PRKCZ: variants seen among roughly 807,000 people sequenced by gnomAD.
The protein encoded by PRKCZ is protein kinase C zeta.
A neutral mutation model predicts 79.5 loss-of-function variants in PRKCZ; 33 were observed. The observed-to-expected ratio is 0.41, with a 90% confidence interval of 0.31 to 0.55. The LOEUF (loss-of-function observed/expected upper bound fraction) is 0.55. Ranked by LOEUF, PRKCZ falls within the 20% of genes least tolerant of loss-of-function variation. The pLI is 0.19. For missense variants in PRKCZ, 578 were observed against 813.5 expected, an observed-to-expected ratio of 0.71 and a Z score of 3.52; for synonymous variants, 342 against 320.9, an observed-to-expected ratio of 1.07 and a Z score of -0.70.
intron 3 of PRKCZ, 45 bp from the exon 4 acceptor site, chr1:2,059,496 G>C (rs903046377): frequency 6.2e-7 from 1 of 1,608,746 alleles, no homozygotes; most frequent in Non-Finnish European, 8.5e-7. Flanking sequence ...CTGTTGAGTG[G>C]CAGCCGCAGG....
intron 4 of PRKCZ, among the ~76,000 whole-genome samples, chr1:2,080,989 C>G (rs1046780244): frequency 1.3e-5 from 2 of 152,172 alleles, no homozygotes; most frequent in Non-Finnish European, 2.9e-5. Context: ...AGGTCCACAC[C>G]CTCCACGCAG....
chr1:2,128,155 C>G lies in PRKCZ; in HGVS notation c.335-7107C>G, dbSNP rs1290294639. Among the ~76,000 whole-genome samples, 19 of 152,240 alleles carry G rather than the reference C, an allele frequency of 1.2e-4. No individual in the cohort carries two copies. Among genetic ancestry groups the G allele is most frequent in the Admixed American group, 1.2e-3 (18 of 15,288 alleles). On this transcript the variant is annotated intron_variant, in intron 4 of 17. Coordinates refer to ENST00000378567, the MANE Select transcript of PRKCZ (RefSeq NM_002744.6). The surrounding 1 kb of genome is among the most constrained non-coding windows in gnomAD (Gnocchi z 6.5). Reference sequence around the variant, plus strand: ...TGGGGACCTCTGGGCCCAAGGGCACCTCACTGTCTCCTTGTCCTCCTGGTC... The same window carrying G: ...TGGGGACCTCTGGGCCCAAGGGCACGTCACTGTCTCCTTGTCCTCCTGGTC...
intron 6 of PRKCZ, 58 bp downstream of exon 6, chr1:2,144,399 C>T: frequency 6.5e-7 from 1 of 1,536,464 alleles, no homozygotes; most frequent in Non-Finnish European, 8.8e-7. Context: ...GCGTGGCAGC[C>T]AGCCCATTGT....
Position 2,174,744 on chromosome 1 carries a change from G to A in PRKCZ, c.1406-10G>A, listed in dbSNP as rs761278474. The A allele has an allele frequency of 6.8e-6, 11 of 1,613,614 alleles. No individual in the cohort carries two copies. In the Admixed American group the frequency reaches 1.0e-4, roughly 15 times the overall value. The stretch of plus-strand genomic sequence containing the variant: ...CACAGGCAAGTCCTCACCAGGCTCC[G>A]CCCTTGCAGTGATCCTGGAGAAGCC... On this transcript the variant is annotated splice_polypyrimidine_tract_variant and intron_variant, in intron 14 of 17. Transcript: ENST00000378567. This position sits in a 1 kb window ranked among gnomAD's most constrained non-coding sequence, Gnocchi z 6.2.
chr1:2,076,068 G>C (rs1384317323), intron 4 of PRKCZ, among the ~76,000 whole-genome samples: 1 of 152,228 alleles, frequency 6.6e-6, no homozygotes, highest in Non-Finnish European at 1.5e-5. Flanking sequence ...CCCAGGAGCT[G>C]GGCAGGGAGC....
intron 4 of PRKCZ, among the ~76,000 whole-genome samples, chr1:2,129,871 C>G (rs979100232): frequency 4.6e-5 from 7 of 152,204 alleles, no homozygotes; most frequent in African/African-American, 1.7e-4. Context: ...TGAAATTACC[C>G]CCAAATAAAA....
intron 4 of PRKCZ, chr1:2,073,692 C>G: frequency 1.0e-6 from 1 of 992,084 alleles, no homozygotes; most frequent in Non-Finnish European, 1.2e-6. Flanking sequence ...CCCGGGGGAG[C>G]CGGGTACCAC....
At chr1:2,169,483 G>A in intron 10 of PRKCZ, 35 bp from the exon 11 acceptor site, 1 of 1,538,810 alleles carries the variant, frequency 6.5e-7, no homozygotes, top group Non-Finnish European at 8.8e-7. Context: ...CGTCTGCCGA[G>A]GTGACTGCAG....
Position 2,123,324 on chromosome 1 carries a change from T to C in PRKCZ, c.335-11938T>C, listed in dbSNP as rs373721719. 3.8e-4 allele frequency among the ~76,000 whole-genome samples: 8 copies of C among 21,108 alleles called. 1 individual carries two copies. The highest frequency in any genetic ancestry group is 1.6e-3 in the East Asian group (1 of 612). 13.8% of individuals were successfully genotyped at this position (21,108 alleles called of 152,430 possible). On this transcript the variant is annotated intron_variant, in intron 4 of 17. Coordinates refer to ENST00000378567, the MANE Select transcript of PRKCZ (RefSeq NM_002744.6). The stretch of plus-strand genomic sequence containing the variant: ...AGGGTCACGGTGGTGGTTAGGGTCA[T>C]GGTGGTGGTTAGGGTCACGGTGGTG...
intron 4 of PRKCZ, among the ~76,000 whole-genome samples, chr1:2,067,660 G>A (rs559319015): frequency 2.6e-5 from 4 of 152,276 alleles, no homozygotes; most frequent in African/African-American, 9.6e-5. Flanking sequence ...ATGAGGGGCC[G>A]CAGGTGCCTC....
intron 4 of PRKCZ, among the ~76,000 whole-genome samples, chr1:2,065,120 G>A (rs13303038): frequency 0.11 from 17,485 of 152,180 alleles, 1,186 homozygotes; most frequent in South Asian, 0.17. Flanking sequence ...AAGTGGAATT[G>A]TTTCCTTGAT....
At chr1:2,089,094 G>A (rs1024554782) in intron 4 of PRKCZ, among the ~76,000 whole-genome samples, 2 of 152,132 alleles carry the variant, frequency 1.3e-5, no homozygotes, top group African/African-American at 2.4e-5. Flanking sequence ...TTCTGTTCCG[G>A]GCTCATCGTT....
intron 4 of PRKCZ, among the ~76,000 whole-genome samples, chr1:2,107,214 C>T (rs1668724208): frequency 6.6e-6 from 1 of 152,256 alleles, no homozygotes; most frequent in South Asian, 2.1e-4. Context: ...GCTGCCTGCA[C>T]CAACAGCCGG....
Position 2,173,849 on chromosome 1 carries a change from G to A in PRKCZ, c.1286-48G>A, listed in dbSNP as rs766512094. On this transcript the variant is annotated intron_variant, in intron 13 of 17. Transcript: ENST00000378567. The surrounding 1 kb of genome is among the most constrained non-coding windows in gnomAD (Gnocchi z 5.7). ...CAACGCCAGCCAGGTTCGTCCTGCT[G>A]CCGGCCCATGTGGCCCCACTCGGTG... 4 of 1,530,762 alleles carry A rather than the reference G, an allele frequency of 2.6e-6. No individual in the cohort carries two copies. In the Admixed American group the frequency reaches 6.0e-5, roughly 23 times the overall value. 94.8% of individuals were successfully genotyped at this position (1,530,762 alleles called of 1,614,324 possible).
chr1:2,062,818 A>G (rs1479188775), intron 4 of PRKCZ, among the ~76,000 whole-genome samples: 1 of 151,900 alleles, frequency 6.6e-6, no homozygotes, highest in African/African-American at 2.4e-5. Flanking sequence ...TAAAGGTTCA[A>G]TTCACTGGTA....
At chr1:2,053,814 C>T (rs1659912602) in intron 1 of PRKCZ, among the ~76,000 whole-genome samples, 2 of 152,248 alleles carry the variant, frequency 1.3e-5, no homozygotes, top group Admixed American at 1.3e-4. Context: ...GGGGCGACCC[C>T]AGGGTGATGG....
chr1:2,095,919 C>A (rs768720410), intron 4 of PRKCZ, among the ~76,000 whole-genome samples: 32 of 129,366 alleles, frequency 2.5e-4, no homozygotes, highest in Non-Finnish European at 4.6e-4. Flanking sequence ...CCTCCTCTCC[C>A]CTCCCTTCCC....
intron 4 of PRKCZ, among the ~76,000 whole-genome samples, chr1:2,103,527 A>C (rs536624610): frequency 3.3e-5 from 5 of 152,146 alleles, no homozygotes; most frequent in Non-Finnish European, 5.9e-5. Flanking sequence ...GAAGCCCTCC[A>C]AGCTCCATCA....
rs370529154 is a variant in PRKCZ, at chr1:2,168,966, T to G, written c.975-552T>G. 1 of 357,504 alleles carries G rather than the reference T, an allele frequency of 2.8e-6. No individual in the cohort carries two copies. The allele number at this position is 357,504 out of a possible 1,614,324, so 22.1% of individuals were successfully genotyped here. On this transcript the variant is annotated intron_variant, in intron 10 of 17. Coordinates refer to ENST00000378567, the MANE Select transcript of PRKCZ (RefSeq NM_002744.6). This position sits in a 1 kb window ranked among gnomAD's most constrained non-coding sequence, Gnocchi z 4.7. ...TGGTCCTGATGACATCTGCGGATCTTTTAAAATCATACGATCATGTCTGCG... is the reference window on the plus strand; with the variant it reads ...TGGTCCTGATGACATCTGCGGATCTGTTAAAATCATACGATCATGTCTGCG...
Sources: allele counts gnomAD v4.1 joint callset (sites outside exome capture counted in the v4.1 genomes callset), GRCh38; gene constraint gnomAD v4.1.1; non-coding constraint Gnocchi (gnomAD v3.1); transcripts MANE v1.5; gene names NCBI Gene and HGNC (gene_info 2026-07-23, HGNC 2026-07-21).